CP: variants seen among roughly 807,000 people sequenced by gnomAD.
CP encodes the protein ceruloplasmin.
A neutral mutation model predicts 122.4 loss-of-function variants in CP; 64 were observed. That is an observed-to-expected ratio of 0.52 (90% CI 0.43 to 0.64). The LOEUF (loss-of-function observed/expected upper bound fraction) is 0.64, where lower values mean the gene tolerates loss of function less well. Ranked by LOEUF, CP falls within the 30% of genes least tolerant of loss-of-function variation. The probability of loss-of-function intolerance (pLI) is 0.00; values close to 1 mark genes in which losing one functional copy is unlikely to be tolerated. For missense variants in CP, 1,167 were observed against 1,284.4 expected (o/e 0.91, Z 1.40); for synonymous variants, 440 against 436.4 (o/e 1.01, Z -0.10).
chr3:149,194,577 A>G (rs549491087), intron 9 of CP, among the ~76,000 whole-genome samples: 1 of 150,320 alleles, frequency 6.7e-6, no homozygotes, highest in East Asian at 2.0e-4. Flanking sequence ...TACCATTTAC[A>G]AAGGCCAAAT....
chr3:149,167,920 G>A (rs1373124710), downstream of CP: 1 of 1,607,626 alleles, frequency 6.2e-7, no homozygotes, highest in Admixed American at 1.7e-5. Context: ...ACTGTTGCCT[G>A]AACTTTGTCA....
rs34113826 is a variant in CP at position 149,182,781 on chromosome 3, AT to A, written c.2426-649del. Among the ~76,000 whole-genome samples the A allele has an allele frequency of 3.0e-3, 461 of 152,218 alleles. 2 individuals carry two copies. The highest frequency in any genetic ancestry group is 0.011 in the African/African-American group (437 of 41,508). Reference sequence around the variant, plus strand: ...TGTATATTTCTTCTTGTAATTAATCATTTATATTTTAATTTTAAAAGTAAAT... The same window carrying A: ...TGTATATTTCTTCTTGTAATTAATCATTATATTTTAATTTTAAAAGTAAAT... On this transcript the variant is annotated intron_variant, in intron 13 of 18. Transcript: ENST00000264613.
rs1728025813 is a variant in CP, at chr3:149,210,330, T to C, written c.444A>G (p.Lys148=). The C allele has an allele frequency of 1.9e-6, 3 of 1,613,978 alleles. No homozygotes were observed. Among genetic ancestry groups the C allele is most frequent in the African/African-American group, 2.7e-5 (2 of 74,930 alleles). ...NTTDFQRADD[K]VYPGEQYTYM... Reference sequence around the variant, plus strand: ...ATGTATACTGCTCTCCTGGATATACTTTGTCATCTGCTCTTTGAAAATCTG... The same window carrying C: ...ATGTATACTGCTCTCCTGGATATACCTTGTCATCTGCTCTTTGAAAATCTG... Residue 148 remains lysine, a synonymous_variant, in exon 3 of 19, where the codon AAA becomes AAG. Coordinates refer to ENST00000264613, the MANE Select transcript of CP (RefSeq NM_000096.4).
chr3:149,166,937 G>T, intron 4 of CP: 1 of 903,778 alleles, frequency 1.1e-6, no homozygotes, highest in Non-Finnish European at 1.8e-6. Context: ...TTTTATTTTT[G>T]GCAAGTGAGG....
chr3:149,198,905 T>G (rs886129808), intron 8 of CP, among the ~76,000 whole-genome samples: 3 of 152,258 alleles, frequency 2.0e-5, no homozygotes, highest in Non-Finnish European at 2.9e-5. Context: ...GTCTCTACAT[T>G]TCTATCAGCT....
At chr3:149,171,681 GT>G (rs1040800688), downstream of CP, among the ~76,000 whole-genome samples, 8 of 145,382 alleles carry the variant, frequency 5.5e-5, no homozygotes, top group African/African-American at 2.0e-4. Context: ...ATAACATTTT[GT>G]TACCTGAACT....
intron 14 of CP, among the ~76,000 whole-genome samples, chr3:149,181,611 G>A (rs1274479022): frequency 6.6e-6 from 1 of 152,126 alleles, no homozygotes; most frequent in Non-Finnish European, 1.5e-5. Context: ...GTACTAGATA[G>A]GGGGAATTTA....
intron 14 of CP, 30 bp downstream of exon 14, chr3:149,181,975 C>CGG: frequency 1.8e-6 from 2 of 1,088,424 alleles, no homozygotes; most frequent in Non-Finnish European, 2.7e-6. Flanking sequence ...TGTTAAAATG[C>CGG]ACCACCCCCA....
intron 2 of CP, among the ~76,000 whole-genome samples, chr3:149,211,161 A>G (rs926481686): frequency 1.3e-5 from 2 of 152,238 alleles, no homozygotes; most frequent in African/African-American, 4.8e-5. Flanking sequence ...CAACACATTC[A>G]CTTTCTAAAC....
chr3:149,219,317 A>G (rs535346322), intron 1 of CP, among the ~76,000 whole-genome samples: 1 of 152,198 alleles, frequency 6.6e-6, no homozygotes, highest in Non-Finnish European at 1.5e-5. Flanking sequence ...TCTATTAAGT[A>G]TACTTTTTAA....
rs772497871 is a variant in CP, at chr3:149,207,447, GAA to G, written c.950_951del (p.Phe317SerfsTer6). On this transcript the variant is annotated frameshift_variant, in exon 5 of 19. Transcript: ENST00000264613. LOFTEE classifies it high-confidence loss of function. Reference protein sequence around the residue: ...KNYRIDTINLFPATLFDAYMV... With the variant: ...KNYRIDTINLXPATLFDAYMV... ...ATATAAGCATCAAACAGGGTAGCAG[GAA>G]AGAGGTTGATTGTGTCAATACGGTA... 1 of 1,614,014 alleles carries G rather than the reference GAA, an allele frequency of 6.2e-7. No individual in the cohort carries two copies.
At chr3:149,164,438 G>A (rs753967685) in intron 5 of CP, among the ~76,000 whole-genome samples, 8 of 152,172 alleles carry the variant, frequency 5.3e-5, no homozygotes, top group Non-Finnish European at 1.2e-4. Flanking sequence ...TAGAGAATGT[G>A]GATCATCCTT....
At chr3:149,204,270 G>C (rs139899872) in intron 6 of CP, among the ~76,000 whole-genome samples, 2 of 152,324 alleles carry the variant, frequency 1.3e-5, no homozygotes, top group Non-Finnish European at 2.9e-5. Flanking sequence ...CAGATGTTTG[G>C]AGAATGTGTT....
chr3:149,168,635 T>G (rs1021442824), downstream of CP, among the ~76,000 whole-genome samples: 1 of 152,154 alleles, frequency 6.6e-6, no homozygotes, highest in African/African-American at 2.4e-5. Flanking sequence ...TTTTAAAATG[T>G]AAGGCCGAGT....
At chr3:149,210,501 A>T in intron 2 of CP, 122 bp from the exon 3 acceptor site, 1 of 883,666 alleles carries the variant, frequency 1.1e-6, no homozygotes. Context: ...ATCCTTGGGG[A>T]TGTGTTATCC....
rs1726195093 is a variant in CP at position 149,186,663 on chromosome 3, T to A, written c.1934A>T (p.Tyr645Phe). The A allele has an allele frequency of 6.2e-7, 1 of 1,614,172 alleles. No individual in the cohort carries two copies. The highest frequency in any genetic ancestry group is 2.2e-5 in the East Asian group (1 of 44,888). The change falls in exon 11 of 19, where the codon TAC becomes TTC. Residue 645 changes from tyrosine (Y) to phenylalanine (F), a missense_variant. This residue lies in a region of CP where 525 missense variants were observed against 657.2 expected (regional missense o/e 0.80). Coordinates refer to ENST00000264613, the MANE Select transcript of CP (RefSeq NM_000096.4). Reference protein sequence around the residue: ...TMCKGDSVVWYLFSAGNEADV... With the variant: ...TMCKGDSVVWFLFSAGNEADV... ...GGCCTCATTTCCGGCGCTGAATAAG[T>A]ACCACACGACCGAATCTCCTTTGCA...
chr3:149,202,605 C>CTTT (rs34873592), intron 6 of CP, among the ~76,000 whole-genome samples: 16 of 106,806 alleles, frequency 1.5e-4, no homozygotes, highest in East Asian at 3.1e-4. Flanking sequence ...TGTTGTTTGT[C>CTTT]TTTTTTTTTT....
chr3:149,207,436 CAG>C lies in CP; in HGVS notation c.961_962del (p.Leu321ValfsTer2). 1 of 1,614,016 alleles carries C rather than the reference CAG, an allele frequency of 6.2e-7. No individual in the cohort carries two copies. The highest frequency in any genetic ancestry group is 8.5e-7 in the Non-Finnish European group (1 of 1,179,896). On this transcript the variant is annotated frameshift_variant, in exon 5 of 19. Transcript: ENST00000264613. LOFTEE classifies it high-confidence loss of function. ...TCTGGGCCACCATATAAGCATCAAA[CAG>C]GGTAGCAGGAAAGAGGTTGATTGTG... ...IDTINLFPAT[L>X]FDAYMVAQNP...
chr3:149,188,224 G>C (rs761864212), intron 9 of CP, 22 bp from the exon 10 acceptor site: 1 of 1,599,668 alleles, frequency 6.3e-7, no homozygotes. Context: ...AACAAAATGA[G>C]ATGGAGACAG....
Sources: gnomAD v4.1 joint callset for allele counts (sites outside exome capture counted in the v4.1 genomes callset) on GRCh38, gnomAD v4.1.1 for gene constraint, gnomAD v4.1.1 regional missense constraint, MANE v1.5 for transcripts, NCBI Gene and HGNC (gene_info 2026-07-23, HGNC 2026-07-21) for gene names.